The following EXOC6B variants were observed in gnomAD, a reference collection of about 807,000 sequenced individuals.
EXOC6B encodes the protein exocyst complex component 6B, also known as SEC15 homolog B.
A neutral mutation model predicts 113.5 loss-of-function variants in EXOC6B; 54 were observed. The observed-to-expected ratio is 0.48, with a 90% confidence interval of 0.38 to 0.60. The LOEUF (loss-of-function observed/expected upper bound fraction) is 0.60. EXOC6B is among the 20% of genes least tolerant of loss of function. The pLI, the probability that EXOC6B is intolerant of heterozygous loss-of-function variation, is 0.00. For synonymous variants in EXOC6B, 357 were observed against 339.0 expected, an observed-to-expected ratio of 1.05 and a Z score of -0.58; for missense variants, 797 against 977.5, an observed-to-expected ratio of 0.82 and a Z score of 2.46.
At chr2:72,642,771 C>A (rs1172168124) in intron 6 of EXOC6B, among the ~76,000 whole-genome samples, 2 of 151,634 alleles carry the variant, frequency 1.3e-5, no homozygotes, top group African/African-American at 4.9e-5. Context: ...AATGGGATCT[C>A]ATTAAACTAA....
chr2:72,593,219 T>C (rs1283029954), intron 6 of EXOC6B, among the ~76,000 whole-genome samples: 1 of 152,126 alleles, frequency 6.6e-6, no homozygotes, highest in African/African-American at 2.4e-5. Context: ...TTGTACGCTT[T>C]CTAATAAACT....
At chr2:72,396,040 T>C (rs1453896344) in intron 18 of EXOC6B, among the ~76,000 whole-genome samples, 1 of 152,058 alleles carries the variant, frequency 6.6e-6, no homozygotes, top group Non-Finnish European at 1.5e-5. Flanking sequence ...AAATTTAACA[T>C]AAAATTTTAA....
intron 16 of EXOC6B, among the ~76,000 whole-genome samples, chr2:72,487,039 C>G (rs573692618): frequency 4.6e-5 from 7 of 152,018 alleles, no homozygotes; most frequent in African/African-American, 1.7e-4. Flanking sequence ...TATTTTAGGA[C>G]AGTTTTGTAT....
chr2:72,568,150 G>A (rs796495514), intron 7 of EXOC6B, among the ~76,000 whole-genome samples: 109 of 152,004 alleles, frequency 7.2e-4, no homozygotes, highest in African/African-American at 2.2e-3. Context: ...TAATATTCCT[G>A]CCAAAAATGA....
intron 6 of EXOC6B, among the ~76,000 whole-genome samples, chr2:72,632,056 A>G (rs1672505901): frequency 6.6e-6 from 1 of 152,216 alleles, no homozygotes; most frequent in Non-Finnish European, 1.5e-5. Context: ...AAAAAGTCAG[A>G]AAGATGAATA....
intron 18 of EXOC6B, among the ~76,000 whole-genome samples, chr2:72,384,123 C>A (rs561948616): frequency 1.3e-5 from 2 of 151,952 alleles, no homozygotes; most frequent in Non-Finnish European, 2.9e-5. Flanking sequence ...ATATAACAAA[C>A]CTGCCCATAT....
intron 19 of EXOC6B, among the ~76,000 whole-genome samples, chr2:72,370,389 T>C (rs918136590): frequency 1.3e-5 from 2 of 152,090 alleles, no homozygotes; most frequent in African/African-American, 2.4e-5. Flanking sequence ...TGTGGAGAAA[T>C]AGGAACACTT....
At chr2:72,734,069 A>C (rs1305410969) in intron 2 of EXOC6B, among the ~76,000 whole-genome samples, 2 of 152,332 alleles carry the variant, frequency 1.3e-5, no homozygotes, top group East Asian at 1.9e-4. Context: ...AATGCCCAAG[A>C]AAGGGATATC....
intron 18 of EXOC6B, among the ~76,000 whole-genome samples, chr2:72,405,914 G>A (rs917119019): frequency 6.6e-6 from 1 of 152,154 alleles, no homozygotes; most frequent in Non-Finnish European, 1.5e-5. Context: ...TGGCAAATTG[G>A]ATAAAGAGTC....
At chr2:72,278,114 T>C (rs2901144) in intron 20 of EXOC6B, among the ~76,000 whole-genome samples, 56,385 of 152,018 alleles carry the variant, frequency 0.37, 13,290 homozygotes, top group African/African-American at 0.67. Flanking sequence ...CACTATCTGC[T>C]TCAGATAGGA....
At chr2:72,731,080 C>A (rs1010258598) in intron 4 of EXOC6B, 28 bp from the exon 5 acceptor site, 1 of 1,560,574 alleles carries the variant, frequency 6.4e-7, no homozygotes, top group Non-Finnish European at 8.7e-7. Context: ...AATACACAAA[C>A]ATGATTTAGA....
At chr2:72,722,929 G>A (rs1004546503) in intron 5 of EXOC6B, among the ~76,000 whole-genome samples, 2 of 152,118 alleles carry the variant, frequency 1.3e-5, no homozygotes, top group African/African-American at 2.4e-5. Context: ...CATTTTTCAA[G>A]GCTAATTAGT....
chr2:72,421,342 G>T (rs1573082024), intron 18 of EXOC6B, among the ~76,000 whole-genome samples: 1 of 152,154 alleles, frequency 6.6e-6, no homozygotes, highest in South Asian at 2.1e-4. Flanking sequence ...AATTTTGCAT[G>T]ATACTAACCT....
chr2:72,760,277 C>T (rs1210536114), intron 1 of EXOC6B, among the ~76,000 whole-genome samples: 1 of 152,146 alleles, frequency 6.6e-6, no homozygotes, highest in Non-Finnish European at 1.5e-5. Flanking sequence ...AGCAAACTTC[C>T]CTGGCATATC....
intron 8 of EXOC6B, among the ~76,000 whole-genome samples, chr2:72,539,994 G>A (rs1289907022): frequency 7.9e-6 from 1 of 127,176 alleles, no homozygotes; most frequent in Admixed American, 1.0e-4. Flanking sequence ...TCCCCTTCCT[G>A]TGTCCACGTG....
intron 20 of EXOC6B, among the ~76,000 whole-genome samples, chr2:72,311,485 C>A (rs537644533): frequency 6.6e-6 from 1 of 152,086 alleles, no homozygotes; most frequent in African/African-American, 2.4e-5. Context: ...TCAACTCTTT[C>A]CCCCTTCTTC....
At chr2:72,194,820 G>A (rs1315446011) in intron 20 of EXOC6B, among the ~76,000 whole-genome samples, 1 of 152,052 alleles carries the variant, frequency 6.6e-6, no homozygotes, top group Non-Finnish European at 1.5e-5. Flanking sequence ...GTAGATTAAG[G>A]GGGTCAAGCT....
chr2:72,717,603 T>C (rs898439073), intron 6 of EXOC6B, among the ~76,000 whole-genome samples: 7 of 152,182 alleles, frequency 4.6e-5, no homozygotes, highest in African/African-American at 1.2e-4. Context: ...TATTTTTTAA[T>C]ATATAAGCTG....
intron 6 of EXOC6B, among the ~76,000 whole-genome samples, chr2:72,631,786 G>A (rs1672486682): frequency 6.6e-6 from 1 of 152,160 alleles, no homozygotes; most frequent in Admixed American, 6.5e-5. Flanking sequence ...TTACAAGCAT[G>A]AGCCACCACG....
Sources: allele counts gnomAD v4.1 joint callset (sites outside exome capture counted in the v4.1 genomes callset), GRCh38; gene constraint gnomAD v4.1.1; transcripts MANE v1.5; gene names NCBI Gene and HGNC (gene_info 2026-07-23, HGNC 2026-07-21).